ITPA: variants seen among roughly 807,000 people sequenced by gnomAD.
ITPA encodes inosine triphosphate pyrophosphatase.
In ITPA, 29 loss-of-function variants were observed where a neutral mutation model predicts 29.6. The observed-to-expected ratio is 0.98, with a 90% CI of 0.73 to 1.34. ITPA has a LOEUF of 1.34. ITPA is among the 40% of genes most tolerant of loss of function. The pLI, the probability that ITPA is intolerant of heterozygous loss-of-function variation, is 0.00. For missense variants in ITPA, 241 were observed against 251.5 expected (o/e 0.96, Z 0.28); for synonymous variants, 103 against 99.3 (o/e 1.04, Z -0.22).
chr20:3,204,514 C>T (rs1447141780), upstream of ITPA: 12 of 1,545,788 alleles, frequency 7.8e-6, no homozygotes, highest in South Asian at 1.2e-5. Context: ...TACCACCAAC[C>T]CTGGTGCAGC....
chr20:3,213,913 C>T (rs747093185), intron 3 of ITPA, 72 bp from the exon 4 acceptor site: 26 of 1,510,838 alleles, frequency 1.7e-5, no homozygotes, highest in South Asian at 4.5e-5. Context: ...GCCTGGGTGA[C>T]GCGGGTGACC....
At chr20:3,218,738 G>C in intron 6 of ITPA, 106 bp downstream of exon 6, 1 of 786,136 alleles carries the variant, frequency 1.3e-6, no homozygotes, top group Admixed American at 2.0e-5. Flanking sequence ...GGGCGCCTTG[G>C]GGCCAGAGAT....
At chr20:3,204,454 G>A (rs1690772857), upstream of ITPA, 3 of 1,412,178 alleles carry the variant, frequency 2.1e-6, no homozygotes, top group South Asian at 2.5e-5. Context: ...CGCACGCGCA[G>A]GAGCCGCGGC....
chr20:3,214,868 C>T (rs1053480453), intron 4 of ITPA, among the ~76,000 whole-genome samples: 5 of 151,882 alleles, frequency 3.3e-5, no homozygotes, highest in South Asian at 4.2e-4. Context: ...CATGAGCCAC[C>T]GCGCCCGGCC....
At position 3,217,082 on chromosome 20, in the gene ITPA, C is replaced by T. The variant is rs184181751; in HGVS notation, c.296-1435C>T. On this transcript the variant is annotated intron_variant, in intron 5 of 7. Coordinates refer to ENST00000380113, the MANE Select transcript of ITPA (RefSeq NM_033453.4). ...TTTTAGTAGAGACAGGGTTTCACCA[C>T]GTTGGCCATGCTGATCTCGAATTCC... Among the ~76,000 whole-genome samples the T allele has an allele frequency of 3.3e-5, 5 of 152,046 alleles. No individual in the cohort carries two copies. In the East Asian group the frequency reaches 7.7e-4, roughly 24 times the overall value.
chr20:3,204,137 G>A (rs558831338), upstream of ITPA, among the ~76,000 whole-genome samples: 16 of 152,144 alleles, frequency 1.1e-4, no homozygotes, highest in Non-Finnish European at 2.4e-4. Context: ...AAAATATTCA[G>A]ATGCCCCCTT....
upstream of ITPA, among the ~76,000 whole-genome samples, chr20:3,206,306 C>G (rs1361875273): frequency 7.3e-6 from 1 of 136,546 alleles, no homozygotes; most frequent in Non-Finnish European, 1.6e-5. Flanking sequence ...GAGAATCTCT[C>G]GAAGCCGGGA....
Position 3,209,787 on chromosome 20 carries a change from A to C in ITPA, c.66+170A>C, listed in dbSNP as rs1448545495. 1.3e-5 allele frequency among the ~76,000 whole-genome samples: 2 copies of C among 151,972 alleles called. No individual in the cohort carries two copies. The highest frequency in any genetic ancestry group is 4.8e-5 in the African/African-American group (2 of 41,392). On this transcript the variant is annotated intron_variant, in intron 1 of 7. Coordinates refer to ENST00000380113, the MANE Select transcript of ITPA (RefSeq NM_033453.4). This position sits in a 1 kb window ranked among gnomAD's most constrained non-coding sequence, Gnocchi z 4.6. ...TGGAAAAGCTGGGGCGCAAGAAGGG[A>C]GTGGCTGCAGAATCGGGGCGCCCCG...
At chr20:3,207,210 C>G (rs1215914207), upstream of ITPA, among the ~76,000 whole-genome samples, 1 of 152,100 alleles carries the variant, frequency 6.6e-6, no homozygotes, top group African/African-American at 2.4e-5. Flanking sequence ...CCACCTCAGC[C>G]TCCTAAACAG....
chr20:3,218,021 C>T (rs2067353726), intron 5 of ITPA, among the ~76,000 whole-genome samples: 1 of 151,960 alleles, frequency 6.6e-6, no homozygotes, highest in Non-Finnish European at 1.5e-5. Flanking sequence ...TTGTTCACAC[C>T]ATTCTCCTGC....
At chr20:3,207,260 T>C (rs916273381), upstream of ITPA, among the ~76,000 whole-genome samples, 1 of 152,126 alleles carries the variant, frequency 6.6e-6, no homozygotes, top group African/African-American at 2.4e-5. Context: ...CAACTAATTT[T>C]TTGTATTTTT....
chr20:3,223,340 C>G (rs775769529), intron 7 of ITPA, 26 bp from the exon 8 acceptor site: 2 of 1,578,098 alleles, frequency 1.3e-6, no homozygotes, highest in East Asian at 4.5e-5. Flanking sequence ...ATCTGGGCTC[C>G]CTGAGCTGCT....
At position 3,209,574 on chromosome 20, in the gene ITPA, A is replaced by G. The variant is rs751416592; in HGVS notation, c.23A>G (p.Lys8Arg). 6 of 1,613,914 alleles carry G rather than the reference A, an allele frequency of 3.7e-6. No individual in the cohort carries two copies. Among genetic ancestry groups the G allele is most frequent in the African/African-American group, 2.7e-5 (2 of 74,896 alleles). The change falls in exon 1 of 8, where the codon AAG (lysine) becomes AGG (arginine). Residue 8 changes from lysine (K) to arginine (R), a missense_variant. Transcript: ENST00000380113. The surrounding 1 kb of genome is among the most constrained non-coding windows in gnomAD (Gnocchi z 4.6). ...ACCATGGCGGCCTCATTGGTGGGGAAGAAGATCGTGTTTGTAACGGGGAAC... is the reference window on the plus strand; with the variant it reads ...ACCATGGCGGCCTCATTGGTGGGGAGGAAGATCGTGTTTGTAACGGGGAAC... MAASLVG[K>R]KIVFVTGNAK...
upstream of ITPA, among the ~76,000 whole-genome samples, chr20:3,206,038 A>G (rs2067067648): frequency 6.7e-6 from 1 of 148,596 alleles, no homozygotes; most frequent in African/African-American, 2.5e-5. Context: ...CCTGAGCGAC[A>G]GAGCAAGACT....
In ITPA at chr20:3,216,182, CAA is replaced by C. The variant is rs1188611711; in HGVS notation, c.295+872_295+873del. 4.1e-3 allele frequency among the ~76,000 whole-genome samples: 418 copies of C among 102,674 alleles called. 2 individuals are homozygous for C. Among genetic ancestry groups the C allele is most frequent in the African/African-American group, 0.018 (385 of 21,114 alleles). The allele number at this position is 102,674 out of a possible 152,430, so 67.4% of individuals were successfully genotyped here. On this transcript the variant is annotated intron_variant, in intron 5 of 7. Transcript: ENST00000380113. ...GTTTTTTTTTTTTTTTTTTTTGAGA[CAA>C]AGTCTTGCTCTGTCGCCCAGGCTGG...
upstream of ITPA, among the ~76,000 whole-genome samples, chr20:3,204,885 C>G (rs907178193): frequency 6.6e-6 from 1 of 151,700 alleles, no homozygotes; most frequent in East Asian, 1.9e-4. Context: ...GACGGAGTCT[C>G]TGTCGCACAG....
At chr20:3,206,315 G>T (rs1315673202), upstream of ITPA, among the ~76,000 whole-genome samples, 1 of 144,768 alleles carries the variant, frequency 6.9e-6, no homozygotes, top group Admixed American at 7.0e-5. Flanking sequence ...TCGAAGCCGG[G>T]AGGCAGAGGT....
intron 1 of ITPA, among the ~76,000 whole-genome samples, chr20:3,210,012 G>C (rs548487560): frequency 4.1e-4 from 62 of 152,218 alleles, no homozygotes; most frequent in Non-Finnish European, 6.0e-4. Context: ...GCAGGACCCA[G>C]AGAGGGCGTG....
At chr20:3,220,256 C>A (rs1423357111) in intron 6 of ITPA, among the ~76,000 whole-genome samples, 1 of 152,022 alleles carries the variant, frequency 6.6e-6, no homozygotes, top group Non-Finnish European at 1.5e-5. Context: ...CAGGGTTTCA[C>A]TATGTTGCCC....
Sources: gnomAD v4.1 joint callset for allele counts (sites outside exome capture counted in the v4.1 genomes callset) on GRCh38, gnomAD v4.1.1 for gene constraint, Gnocchi (gnomAD v3.1) non-coding constraint, MANE v1.5 for transcripts, NCBI Gene and HGNC (gene_info 2026-07-23, HGNC 2026-07-21) for gene names.